The following MEIS2 variants were observed in gnomAD, a reference collection of about 807,000 sequenced individuals.
The protein encoded by MEIS2 is homeobox protein Meis2.
Under a neutral mutation model 58.6 loss-of-function variants are expected in MEIS2, and 9 were observed. That is an observed-to-expected ratio of 0.15 (90% confidence interval 0.09 to 0.27). The LOEUF is 0.27. Ranked by LOEUF, MEIS2 falls within the 10% of genes least tolerant of loss-of-function variation. The pLI is 1.00. For missense variants in MEIS2, 427 were observed against 635.0 expected (o/e 0.67, Z 3.52); for synonymous variants, 221 against 228.4 (o/e 0.97, Z 0.29).
chr15:36,973,003 A>G (rs1445684449), intron 8 of MEIS2: 1 of 152,228 alleles, frequency 6.6e-6, no homozygotes, highest in Non-Finnish European at 1.5e-5. Flanking sequence ...TTGCATAGAC[A>G]TCTTTTACTT....
At position 37,099,510 on chromosome 15, in the gene MEIS2, T is replaced by A. The variant is rs780189415; in HGVS notation, c.-44A>T. The A allele has an allele frequency of 6.2e-7, 1 of 1,613,672 alleles. No homozygotes were observed. The highest frequency in any genetic ancestry group is 8.5e-7 in the Non-Finnish European group (1 of 1,179,904). ...ACTCCTGGATGTGTCGTATATTTAA[T>A]ATCCCAGTCCGGATAAGAAAGTGAT... On this transcript the variant is annotated 5_prime_UTR_variant, in exon 1 of 12. Coordinates refer to ENST00000561208, the MANE Select transcript of MEIS2 (RefSeq NM_170675.5).
intron 9 of MEIS2, among the ~76,000 whole-genome samples, chr15:36,915,198 GAA>G (rs5811947): frequency 0.37 from 53,295 of 145,886 alleles, 11,226 homozygotes; most frequent in Non-Finnish European, 0.49. Context: ...CAACTTCTGG[GAA>G]AAAAAAAAAA....
intron 7 of MEIS2, among the ~76,000 whole-genome samples, chr15:37,073,011 T>C (rs993843507): frequency 6.6e-6 from 1 of 152,066 alleles, no homozygotes; most frequent in South Asian, 2.1e-4. Context: ...TATTACCAAC[T>C]TGCTGAGGAA....
chr15:37,026,229 T>C (rs921650423), intron 8 of MEIS2, among the ~76,000 whole-genome samples: 1 of 152,198 alleles, frequency 6.6e-6, no homozygotes, highest in African/African-American at 2.4e-5. Flanking sequence ...CTAGCATTCA[T>C]CTTTTCTATT....
chr15:37,066,521 G>C (rs1596056931), intron 7 of MEIS2: 1 of 152,240 alleles, frequency 6.6e-6, no homozygotes, highest in East Asian at 1.9e-4. Flanking sequence ...GGAAAATGGG[G>C]ATAAATCTGA....
chr15:37,068,018 A>G lies in MEIS2; in HGVS notation c.754+15753T>C, dbSNP rs951797396. Among the ~76,000 whole-genome samples the G allele has an allele frequency of 2.6e-5, 4 of 152,328 alleles. No individual in the cohort carries two copies. In the South Asian group the frequency reaches 8.3e-4, roughly 32 times the overall value. On this transcript the variant is annotated intron_variant, in intron 7 of 11. Coordinates refer to ENST00000561208, the MANE Select transcript of MEIS2 (RefSeq NM_170675.5). Reference sequence around the variant, plus strand: ...GTATTATAGATGCCCAACCCAGCACATAGATCTTCAAATATATTATCTAAT... The same window carrying G: ...GTATTATAGATGCCCAACCCAGCACGTAGATCTTCAAATATATTATCTAAT...
chr15:37,050,301 A>C (rs2062860868), intron 7 of MEIS2, among the ~76,000 whole-genome samples: 2 of 152,168 alleles, frequency 1.3e-5, no homozygotes, highest in African/African-American at 2.4e-5. Flanking sequence ...TTAGAACTTC[A>C]TATATGTTAT....
intron 7 of MEIS2, among the ~76,000 whole-genome samples, chr15:37,077,824 TG>T (rs1457163757): frequency 6.6e-6 from 1 of 152,082 alleles, no homozygotes; most frequent in Non-Finnish European, 1.5e-5. Flanking sequence ...CTGATCATTT[TG>T]TTTAATCACC....
intron 8 of MEIS2, among the ~76,000 whole-genome samples, chr15:37,033,783 G>C (rs2062028749): frequency 6.6e-6 from 1 of 152,160 alleles, no homozygotes; most frequent in South Asian, 2.1e-4. Flanking sequence ...TCGCTAGTTA[G>C]GGGTCTCTAT....
At chr15:36,945,989 A>G (rs1324156370) in intron 9 of MEIS2, among the ~76,000 whole-genome samples, 1 of 152,044 alleles carries the variant, frequency 6.6e-6, no homozygotes, top group Non-Finnish European at 1.5e-5. Context: ...CTGCAGTGAC[A>G]TGAGTTTTTA....
chr15:37,075,190 G>A (rs993482487), intron 7 of MEIS2, among the ~76,000 whole-genome samples: 2 of 151,964 alleles, frequency 1.3e-5, no homozygotes, highest in African/African-American at 4.8e-5. Context: ...TACATTTAAA[G>A]ACATCCATCT....
intron 9 of MEIS2, among the ~76,000 whole-genome samples, chr15:36,943,334 T>G (rs1729534118): frequency 6.6e-6 from 1 of 152,152 alleles, no homozygotes. Context: ...ACTGGTATAA[T>G]GAAGTGCAGA....
intron 8 of MEIS2, among the ~76,000 whole-genome samples, chr15:36,982,900 G>C (rs563091806): frequency 1.3e-5 from 2 of 152,218 alleles, no homozygotes; most frequent in Admixed American, 1.3e-4. Flanking sequence ...CTGATGATTA[G>C]TGACACTGAG....
chr15:36,983,589 G>C (rs185580657), intron 8 of MEIS2, among the ~76,000 whole-genome samples: 1 of 151,962 alleles, frequency 6.6e-6, no homozygotes. Flanking sequence ...GGTGGCTCCA[G>C]CTTTGTTCTT....
At chr15:37,067,621 G>A (rs1486553328) in intron 7 of MEIS2, among the ~76,000 whole-genome samples, 3 of 151,810 alleles carry the variant, frequency 2.0e-5, no homozygotes, top group Admixed American at 2.0e-4. Flanking sequence ...ATTAGAATGG[G>A]ACAGCATTTG....
At chr15:37,044,238 T>C (rs2062567879) in intron 7 of MEIS2, among the ~76,000 whole-genome samples, 2 of 152,282 alleles carry the variant, frequency 1.3e-5, no homozygotes, top group Non-Finnish European at 2.9e-5. Flanking sequence ...GAGAAGAAGA[T>C]GTGAAGGGTG....
chr15:37,061,347 G>T (rs975947444), intron 7 of MEIS2, among the ~76,000 whole-genome samples: 2 of 152,146 alleles, frequency 1.3e-5, no homozygotes, highest in Non-Finnish European at 2.9e-5. Context: ...CATCGAGGCC[G>T]GCAGAAGTGT....
intron 8 of MEIS2, among the ~76,000 whole-genome samples, chr15:37,000,266 T>C (rs2060672318): frequency 6.6e-6 from 1 of 152,090 alleles, no homozygotes; most frequent in South Asian, 2.1e-4. Flanking sequence ...GGCTGCTGCT[T>C]TTAGGAGCCA....
chr15:36,907,999 A>G (rs2056825712), intron 9 of MEIS2, among the ~76,000 whole-genome samples: 1 of 152,186 alleles, frequency 6.6e-6, no homozygotes, highest in Non-Finnish European at 1.5e-5. Context: ...ACAGCTACGC[A>G]TCTAACAATA....
Sources: gnomAD v4.1 joint callset for allele counts (sites outside exome capture counted in the v4.1 genomes callset) on GRCh38, gnomAD v4.1.1 for gene constraint, MANE v1.5 for transcripts, NCBI Gene and HGNC (gene_info 2026-07-23, HGNC 2026-07-21) for gene names.